The following NCOR1 variants were observed in gnomAD, a reference collection of about 807,000 sequenced individuals.
The protein encoded by NCOR1 is nuclear receptor corepressor 1.
In NCOR1, 63 loss-of-function variants were observed where a neutral mutation model predicts 288.1. The ratio of observed to expected loss-of-function variants is 0.22; its 90% CI spans 0.18 to 0.27. The LOEUF is 0.27. Among genes scored for constraint, NCOR1 ranks in the 10% least tolerant of loss-of-function variants. The pLI is 1.00. For synonymous variants in NCOR1, 1,007 were observed against 1,065.9 expected (o/e 0.94, Z 1.08); for missense variants, 2,397 against 3,019.2 (o/e 0.79, Z 4.83).
At chr17:16,085,549 A>AT (rs1272571267) in intron 23 of NCOR1, among the ~76,000 whole-genome samples, 1 of 152,272 alleles carries the variant, frequency 6.6e-6, no homozygotes, top group Non-Finnish European at 1.5e-5. Context: ...TACTGATTAC[A>AT]TAAAACCCTG....
At chr17:16,133,413 T>C (rs2075950481) in intron 14 of NCOR1, among the ~76,000 whole-genome samples, 1 of 152,180 alleles carries the variant, frequency 6.6e-6, no homozygotes, top group African/African-American at 2.4e-5. Flanking sequence ...TAAGTAAACA[T>C]GCCATAATGG....
At chr17:16,098,255 T>G (rs1220217699) in intron 21 of NCOR1, 112 bp downstream of exon 21, 1 of 1,034,544 alleles carries the variant, frequency 9.7e-7, no homozygotes, top group Admixed American at 2.4e-5. Flanking sequence ...TTTCATGTTA[T>G]GTTTTGTACC....
intron 19 of NCOR1, among the ~76,000 whole-genome samples, chr17:16,106,883 A>ATATATTTAT (rs1164118180): frequency 3.2e-5 from 1 of 31,406 alleles, no homozygotes; most frequent in Non-Finnish European, 5.2e-5. Flanking sequence ...ATATATATAT[A>ATATATTTAT]TTTTTTTTTT....
intron 3 of NCOR1, among the ~76,000 whole-genome samples, chr17:16,180,152 TA>T (rs1321211018): frequency 1.3e-5 from 2 of 151,884 alleles, no homozygotes; most frequent in Non-Finnish European, 2.9e-5. Flanking sequence ...AAAGAAAACA[TA>T]AAAATGGCCA....
chr17:16,136,542 C>T (rs777127277), intron 14 of NCOR1, among the ~76,000 whole-genome samples: 4 of 152,186 alleles, frequency 2.6e-5, no homozygotes, highest in Non-Finnish European at 4.4e-5. Flanking sequence ...CGCGGTGGCT[C>T]ATGCCTGTAA....
Position 16,153,002 on chromosome 17 carries a change from G to T in NCOR1, c.789+337C>A, listed in dbSNP as rs550001857. 5.3e-5 allele frequency among the ~76,000 whole-genome samples: 8 copies of T among 152,020 alleles called. No homozygotes were observed. The East Asian group carries it at 1.4e-3, about 26-fold the overall frequency. ...TTATGCACAGATTTTTAATTTCAAA[G>T]TATTAATACTCCCTAATACTAGGGA... is the stretch of plus-strand genomic sequence containing the variant. On this transcript the variant is annotated intron_variant, in intron 7 of 45. Coordinates refer to ENST00000268712, the MANE Select transcript of NCOR1 (RefSeq NM_006311.4).
In NCOR1 at chr17:16,032,151, T is replaced by C; in HGVS notation, c.*145A>G. The C allele has an allele frequency of 1.2e-6, 1 of 820,384 alleles. No individual in the cohort carries two copies. The highest frequency in any genetic ancestry group is 2.3e-5 in the South Asian group (1 of 44,406). 50.8% of individuals were successfully genotyped at this position (820,384 alleles called of 1,614,324 possible). A position where few individuals can be genotyped will look rare whatever the true frequency, so the allele number is the denominator to read the frequency against. On this transcript the variant is annotated 3_prime_UTR_variant, in exon 46 of 46. Coordinates refer to ENST00000268712, the MANE Select transcript of NCOR1 (RefSeq NM_006311.4). Reference sequence around the variant, plus strand: ...TGACTCTCCAAATGAACTTCCATCATTTCTTCATCATCTGTGGGCTGGCTC... The same window carrying C: ...TGACTCTCCAAATGAACTTCCATCACTTCTTCATCATCTGTGGGCTGGCTC...
At chr17:16,044,334 C>CT in intron 42 of NCOR1, 2 of 467,130 alleles carry the variant, frequency 4.3e-6, no homozygotes. Context: ...CTGGCTCATC[C>CT]TTTTTTCCTT....
chr17:16,185,683 CAAAA>C (rs58712974), intron 3 of NCOR1, among the ~76,000 whole-genome samples: 7 of 33,388 alleles, frequency 2.1e-4, no homozygotes, highest in Non-Finnish European at 2.6e-4. Context: ...GACTCTTTCT[CAAAA>C]AAAAAAAAAA....
chr17:16,193,243 T>C (rs79639990), intron 2 of NCOR1, among the ~76,000 whole-genome samples: 1 of 152,180 alleles, frequency 6.6e-6, no homozygotes, highest in Non-Finnish European at 1.5e-5. Flanking sequence ...AATTTTGTTT[T>C]TTTTAAGATG....
chr17:16,085,761 T>C (rs2064133353), intron 23 of NCOR1, among the ~76,000 whole-genome samples: 1 of 152,198 alleles, frequency 6.6e-6, no homozygotes, highest in Non-Finnish European at 1.5e-5. Flanking sequence ...GTGATGGAAG[T>C]GTTCAATAAG....
chr17:16,143,465 C>T (rs2077427688), intron 11 of NCOR1, 141 bp downstream of exon 11: 2 of 631,232 alleles, frequency 3.2e-6, no homozygotes. Context: ...AACCCTTTAA[C>T]AGACACTCAA....
chr17:16,095,185 G>A lies in NCOR1; in HGVS notation c.2821-3127C>T, dbSNP rs551953289. On this transcript the variant is annotated intron_variant, in intron 21 of 45. Transcript: ENST00000268712. Reference sequence around the variant, plus strand: ...GAACGTCTCTGCCCGGCCGCCCATCGTCTGAGATGTGGGGAGCGCCTCTAC... The same window carrying A: ...GAACGTCTCTGCCCGGCCGCCCATCATCTGAGATGTGGGGAGCGCCTCTAC... Among the ~76,000 whole-genome samples, 7 of 148,444 alleles carry A rather than the reference G, an allele frequency of 4.7e-5. No individual in the cohort carries two copies. The South Asian group carries it at 8.5e-4, about 18-fold the overall frequency.
At chr17:16,171,757 A>C in intron 4 of NCOR1, 46 bp downstream of exon 4, 1 of 1,434,270 alleles carries the variant, frequency 7.0e-7, no homozygotes, top group Non-Finnish European at 9.2e-7. Context: ...AACTAAATAA[A>C]CATTACAAAC....
intron 1 of NCOR1, among the ~76,000 whole-genome samples, chr17:16,207,083 T>C (rs2091599323): frequency 6.6e-6 from 1 of 152,168 alleles, no homozygotes; most frequent in Non-Finnish European, 1.5e-5. Flanking sequence ...ATATTTTAGG[T>C]TATAACTCCT....
chr17:16,088,441 A>C (rs763697894), intron 22 of NCOR1, among the ~76,000 whole-genome samples: 16 of 152,288 alleles, frequency 1.1e-4, no homozygotes, highest in Admixed American at 3.3e-4. Flanking sequence ...TTTCTGTGTA[A>C]TAATTTTTTC....
chr17:16,120,925 T>C (rs895716864), intron 16 of NCOR1, 127 bp downstream of exon 16: 77 of 861,540 alleles, frequency 8.9e-5, no homozygotes, highest in Non-Finnish European at 1.2e-4. Context: ...GTTTAAAAAA[T>C]TTAAAGACCA....
intron 3 of NCOR1, among the ~76,000 whole-genome samples, chr17:16,175,137 T>TA (rs761938749): frequency 6.7e-6 from 1 of 149,396 alleles, no homozygotes; most frequent in Non-Finnish European, 1.5e-5. Flanking sequence ...GGAGGCCGAG[T>TA]AAGTGCATCA....
intron 14 of NCOR1, 112 bp from the exon 15 acceptor site, chr17:16,126,318 C>A: frequency 2.8e-6 from 3 of 1,068,212 alleles, no homozygotes; most frequent in Non-Finnish European, 3.9e-6. Flanking sequence ...TAGTCATTTA[C>A]AATGTAACTG....
Sources: allele counts gnomAD v4.1 joint callset (sites outside exome capture counted in the v4.1 genomes callset), GRCh38; gene constraint gnomAD v4.1.1; transcripts MANE v1.5; gene names NCBI Gene and HGNC (gene_info 2026-07-23, HGNC 2026-07-21).